The following CENPP variants were observed in gnomAD, a reference collection of about 807,000 sequenced individuals.
The protein encoded by CENPP is centromere protein P.
CENPP carries 24 observed loss-of-function variants against 35.6 expected under a neutral mutation model. The ratio of observed to expected loss-of-function variants is 0.67; its 90% CI spans 0.49 to 0.95. CENPP has a LOEUF of 0.95. Among genes scored for constraint, CENPP ranks in the 40% least tolerant of loss-of-function variants. The probability of loss-of-function intolerance (pLI) is 0.00; values close to 1 mark genes in which losing one functional copy is unlikely to be tolerated. For missense variants in CENPP, 332 were observed against 345.3 expected (o/e 0.96, Z 0.31); for synonymous variants, 120 against 125.5 (o/e 0.96, Z 0.29).
intron 4 of CENPP, among the ~76,000 whole-genome samples, chr9:92,363,232 TATAC>T (rs1262343954): frequency 5.0e-5 from 2 of 40,360 alleles, no homozygotes; most frequent in East Asian, 1.1e-3. Flanking sequence ...TTTATACATA[TATAC>T]ACACACACAC....
At chr9:92,385,928 T>C (rs1243259431) in intron 5 of CENPP, 1 of 745,294 alleles carries the variant, frequency 1.3e-6, no homozygotes, top group African/African-American at 1.8e-5. Flanking sequence ...AATTAGGAAA[T>C]ACTCAAATGT....
intron 4 of CENPP, among the ~76,000 whole-genome samples, chr9:92,356,010 CAT>C (rs1841579606): frequency 1.3e-5 from 2 of 152,164 alleles, no homozygotes; most frequent in South Asian, 4.1e-4. Flanking sequence ...ATTTTCATAT[CAT>C]ATCAGAATAT....
chr9:92,612,655 A>G (rs1851297167), intron 7 of CENPP, 41 bp downstream of exon 7: 2 of 1,470,270 alleles, frequency 1.4e-6, no homozygotes, highest in Non-Finnish European at 1.9e-6. Flanking sequence ...ACTTCTCAAC[A>G]TGCCCAGCAA....
At chr9:92,611,992 C>T (rs75221622) in intron 6 of CENPP, among the ~76,000 whole-genome samples, 1,730 of 152,344 alleles carry the variant, frequency 0.011, 24 homozygotes, top group African/African-American at 0.038. Flanking sequence ...TTCACCTCCT[C>T]CAGGGTCATG....
intron 1 of CENPP, among the ~76,000 whole-genome samples, chr9:92,327,029 G>A (rs1168878512): frequency 6.6e-6 from 1 of 152,200 alleles, no homozygotes. Flanking sequence ...ACAAATGAGA[G>A]TAAATGTATT....
intron 5 of CENPP, among the ~76,000 whole-genome samples, chr9:92,397,085 G>A (rs185992404): frequency 2.0e-3 from 297 of 152,024 alleles, no homozygotes; most frequent in African/African-American, 6.9e-3. Context: ...GCTGAGGCAG[G>A]AGGATTGCTG....
chr9:92,461,524 C>T (rs1050717750), intron 5 of CENPP, among the ~76,000 whole-genome samples: 3 of 152,204 alleles, frequency 2.0e-5, no homozygotes, highest in East Asian at 1.9e-4. Flanking sequence ...GTTTGAGACA[C>T]TCCTTTTGTG....
intron 5 of CENPP, among the ~76,000 whole-genome samples, chr9:92,408,351 A>G (rs1843361867): frequency 6.6e-6 from 1 of 152,036 alleles, no homozygotes; most frequent in African/African-American, 2.4e-5. Flanking sequence ...ACGCCCAGCT[A>G]ATTTTTATGT....
intron 5 of CENPP, among the ~76,000 whole-genome samples, chr9:92,607,908 T>G (rs1254247352): frequency 1.3e-5 from 2 of 152,202 alleles, no homozygotes; most frequent in African/African-American, 4.8e-5. Flanking sequence ...CTTTCTATCA[T>G]AAACACCAGG....
intron 2 of CENPP, among the ~76,000 whole-genome samples, chr9:92,332,710 A>T (rs897387179): frequency 6.6e-6 from 1 of 152,122 alleles, no homozygotes; most frequent in Non-Finnish European, 1.5e-5. Context: ...TGGGAAGCTG[A>T]GCCAGGAGAA....
intron 5 of CENPP, among the ~76,000 whole-genome samples, chr9:92,563,679 A>C (rs1047429567): frequency 1.3e-5 from 2 of 152,178 alleles, no homozygotes; most frequent in African/African-American, 4.8e-5. Context: ...TACCAAAAGA[A>C]TTGGTGAGAG....
chr9:92,615,485 G>A lies in CENPP; in HGVS notation c.*2336G>A, dbSNP rs1325652564. The A allele has an allele frequency of 5.3e-5, 12 of 226,974 alleles. No homozygotes were observed. The highest frequency in any genetic ancestry group is 8.7e-5 in the Non-Finnish European group (10 of 115,092). 14.1% of individuals were successfully genotyped at this position (226,974 alleles called of 1,614,324 possible). On this transcript the variant is annotated 3_prime_UTR_variant, in exon 8 of 8. Transcript: ENST00000375587. ...CTATGTTAGGAGTCTGGTGGTAGCAGATCCAAACCTTGGGTCTTAGAATAA... is the reference window on the plus strand; with the variant it reads ...CTATGTTAGGAGTCTGGTGGTAGCAAATCCAAACCTTGGGTCTTAGAATAA...
intron 5 of CENPP, among the ~76,000 whole-genome samples, chr9:92,589,631 A>G (rs1265146632): frequency 6.6e-6 from 1 of 152,024 alleles, no homozygotes; most frequent in Non-Finnish European, 1.5e-5. Context: ...CCTTCTTTAC[A>G]TTTTTACCTG....
At chr9:92,360,195 G>T (rs1841708382) in intron 4 of CENPP, among the ~76,000 whole-genome samples, 1 of 152,084 alleles carries the variant, frequency 6.6e-6, no homozygotes, top group African/African-American at 2.4e-5. Context: ...CTGCTGTGGG[G>T]ATTATAACAT....
intron 5 of CENPP, among the ~76,000 whole-genome samples, chr9:92,383,189 C>T (rs1401905558): frequency 6.6e-6 from 1 of 152,136 alleles, no homozygotes; most frequent in Non-Finnish European, 1.5e-5. Context: ...TGAGCCATTG[C>T]GCCCAGCCAC....
intron 5 of CENPP, among the ~76,000 whole-genome samples, chr9:92,508,703 A>G (rs1481070754): frequency 6.6e-6 from 1 of 152,094 alleles, no homozygotes; most frequent in Non-Finnish European, 1.5e-5. Flanking sequence ...GAAATTGAGT[A>G]TTTCCATAAC....
chr9:92,370,314 A>G (rs1299190846), intron 4 of CENPP, among the ~76,000 whole-genome samples: 4 of 152,190 alleles, frequency 2.6e-5, no homozygotes, highest in Non-Finnish European at 4.4e-5. Flanking sequence ...TTTTAGTATC[A>G]GGGTAATGCT....
intron 5 of CENPP, among the ~76,000 whole-genome samples, chr9:92,572,871 C>T (rs1480947079): frequency 6.6e-6 from 1 of 152,162 alleles, no homozygotes; most frequent in African/African-American, 2.4e-5. Context: ...CTTTCTTCCA[C>T]TTGATCAAAT....
chr9:92,408,875 A>G lies in CENPP; in HGVS notation c.564+29016A>G, dbSNP rs77278342. ...ACACATAGACCCTTTTTAATCCAGC[A>G]TTCTGGATTTTGTGGAAAGTCTGTG... On this transcript the variant is annotated intron_variant, in intron 5 of 7. Transcript: ENST00000375587. Among the ~76,000 whole-genome samples, 733 of 152,250 alleles carry G rather than the reference A, an allele frequency of 4.8e-3. 4 individuals carry two copies. The highest frequency in any genetic ancestry group is 0.015 in the African/African-American group (638 of 41,548).
Sources: gnomAD v4.1 joint callset for allele counts (sites outside exome capture counted in the v4.1 genomes callset) on GRCh38, gnomAD v4.1.1 for gene constraint, MANE v1.5 for transcripts, NCBI Gene and HGNC (gene_info 2026-07-23, HGNC 2026-07-21) for gene names.